The following XKR9 variants were observed in gnomAD, a reference collection of about 807,000 sequenced individuals.
The protein encoded by XKR9 is XK-related protein 9.
A neutral mutation model predicts 32.0 loss-of-function variants in XKR9; 32 were observed. The ratio of observed to expected loss-of-function variants is 1.00; its 90% CI spans 0.76 to 1.34. XKR9 has a LOEUF of 1.34. Ranked by LOEUF, XKR9 falls within the 40% of genes most tolerant of loss-of-function variation. XKR9 has a pLI of 0.00. For synonymous variants in XKR9, 168 were observed against 143.4 expected (o/e 1.17, Z -1.22); for missense variants, 546 against 429.7 (o/e 1.27, Z -2.39).
At chr8:70,707,972 A>G (rs912878072) in intron 4 of XKR9, among the ~76,000 whole-genome samples, 1 of 152,046 alleles carries the variant, frequency 6.6e-6, no homozygotes, top group African/African-American at 2.4e-5. Context: ...GATTTATTTC[A>G]GGGGATAAGA....
intron 3 of XKR9, chr8:70,683,637 G>A: frequency 2.5e-6 from 1 of 403,864 alleles, no homozygotes; most frequent in South Asian, 1.7e-5. Flanking sequence ...ACAGGCATGT[G>A]CCATGACACT....
At chr8:71,024,388 A>C in the XKR9 span, among the ~76,000 whole-genome samples, 135 of 152,214 alleles carry the variant, frequency 8.9e-4, 3 homozygotes, top group Non-Finnish European at 2.6e-4. Flanking sequence ...GCTGGGTCTA[A>C]CCTATATCAT....
At chr8:70,879,168 C>A in the XKR9 span, among the ~76,000 whole-genome samples, 2 of 151,958 alleles carry the variant, frequency 1.3e-5, no homozygotes, top group African/African-American at 4.8e-5. Context: ...TGGGTAGAGG[C>A]AAATTTATAG....
At chr8:70,832,346 AAG>A in the XKR9 span, among the ~76,000 whole-genome samples, 1 of 152,210 alleles carries the variant, frequency 6.6e-6, no homozygotes, top group Admixed American at 6.5e-5. Context: ...AGAAAAGTAA[AAG>A]AAAAGAGAAA....
chr8:71,057,721 T>TACCA, the XKR9 span, among the ~76,000 whole-genome samples: 1 of 152,316 alleles, frequency 6.6e-6, no homozygotes, highest in African/African-American at 2.4e-5. Context: ...TAGCACATGT[T>TACCA]ACCACTGCTT....
At chr8:70,942,108 A>C in the XKR9 span, among the ~76,000 whole-genome samples, 1 of 152,088 alleles carries the variant, frequency 6.6e-6, no homozygotes, top group East Asian at 1.9e-4. Context: ...GAATGTACTG[A>C]ACAGTTGAAC....
At chr8:70,920,019 G>A in the XKR9 span, among the ~76,000 whole-genome samples, 4 of 152,014 alleles carry the variant, frequency 2.6e-5, no homozygotes, top group African/African-American at 7.2e-5. Flanking sequence ...TTTTTTGGAC[G>A]GTCTTGACGT....
the XKR9 span, among the ~76,000 whole-genome samples, chr8:71,061,955 A>T: frequency 2.6e-5 from 4 of 152,212 alleles, no homozygotes; most frequent in African/African-American, 9.7e-5. Context: ...ACTCTTAGAG[A>T]CAAAAGAAGC....
the XKR9 span, among the ~76,000 whole-genome samples, chr8:70,963,981 T>C: frequency 6.6e-6 from 1 of 152,124 alleles, no homozygotes; most frequent in Non-Finnish European, 1.5e-5. Context: ...AGATCCCATT[T>C]GTCAATTTTT....
chr8:70,691,699 G>C lies in XKR9; in HGVS notation c.272+10369G>C, dbSNP rs541788463. 3.9e-5 allele frequency among the ~76,000 whole-genome samples: 6 copies of C among 152,126 alleles called. No individual in the cohort carries two copies. In the South Asian group the frequency reaches 6.2e-4, roughly 16 times the overall value. ...TTTTCCCCATTGCTTGTTTTTGTCA[G>C]CTTTGTCAACGATCAGATAGTCAAA... is the stretch of plus-strand genomic sequence containing the variant. On this transcript the variant is annotated intron_variant, in intron 3 of 4. Coordinates refer to ENST00000408926, the MANE Select transcript of XKR9 (RefSeq NM_001011720.2).
chr8:70,857,903 C>CA, the XKR9 span, among the ~76,000 whole-genome samples: 3 of 152,056 alleles, frequency 2.0e-5, no homozygotes, highest in East Asian at 5.8e-4. Context: ...AGGCCTTTGA[C>CA]AAAATTCAAC....
In XKR9 at chr8:70,733,753, A is replaced by C. The variant is rs199905563; in HGVS notation, c.494-43A>C. 4.5e-5 allele frequency: 64 copies of C among 1,428,068 alleles called. 1 individual carries two copies. The Admixed American group carries it at 1.5e-3, about 33-fold the overall frequency. The allele number at this position is 1,428,068 out of a possible 1,614,324, so 88.5% of individuals were successfully genotyped here. A position where few individuals can be genotyped will look rare whatever the true frequency, so the allele number is the denominator to read the frequency against. ...TGGGATATAGTAATCTAATATTTCT[A>C]TTATTCCTATAACAATATATTTTTT... On this transcript the variant is annotated intron_variant, in intron 4 of 4. Coordinates refer to ENST00000408926, the MANE Select transcript of XKR9 (RefSeq NM_001011720.2).
chr8:71,042,202 G>A, the XKR9 span, among the ~76,000 whole-genome samples: 21 of 152,090 alleles, frequency 1.4e-4, no homozygotes, highest in African/African-American at 1.9e-4. Flanking sequence ...TTCAAGTGGC[G>A]TCCCTAACTA....
At chr8:70,925,964 C>T in the XKR9 span, among the ~76,000 whole-genome samples, 1 of 152,168 alleles carries the variant, frequency 6.6e-6, no homozygotes, top group Non-Finnish European at 1.5e-5. Flanking sequence ...TATAAGTACA[C>T]ATTATATGAT....
At chr8:70,935,024 A>G in the XKR9 span, among the ~76,000 whole-genome samples, 1 of 151,004 alleles carries the variant, frequency 6.6e-6, no homozygotes, top group Non-Finnish European at 1.5e-5. Context: ...GAAGCTGAGT[A>G]TCTCTTACAT....
chr8:70,717,506 G>A (rs1189805617), intron 4 of XKR9, among the ~76,000 whole-genome samples: 1 of 152,176 alleles, frequency 6.6e-6, no homozygotes, highest in African/African-American at 2.4e-5. Flanking sequence ...TGTACCCTCT[G>A]AAGCAATGGC....
chr8:70,863,943 A>G, the XKR9 span, among the ~76,000 whole-genome samples: 16 of 152,144 alleles, frequency 1.1e-4, no homozygotes, highest in African/African-American at 3.6e-4. Flanking sequence ...TTATGCTCTC[A>G]TATGTGGCTA....
At position 70,707,116 on chromosome 8, in the gene XKR9, C is replaced by G. The variant is rs1193263363; in HGVS notation, c.456C>G (p.Tyr152Ter). The change falls in exon 4 of 5, where the codon TAC (tyrosine) becomes TAG (stop). Residue 152 changes from tyrosine to a stop codon, truncating the protein, a stop_gained. Transcript: ENST00000408926. LOFTEE classifies it high-confidence loss of function. ...EGCPQLILQL[Y>*]ILLEHGQANF... Reference sequence around the variant, plus strand: ...GCCCACAACTTATTCTTCAACTCTACATTCTTCTGGAGCATGGACAAGCGA... The same window carrying G: ...GCCCACAACTTATTCTTCAACTCTAGATTCTTCTGGAGCATGGACAAGCGA... 1.2e-6 allele frequency: 2 copies of G among 1,613,300 alleles called. No individual in the cohort carries two copies. Among genetic ancestry groups the G allele is most frequent in the South Asian group, 1.1e-5 (1 of 91,042 alleles).
chr8:70,926,782 T>C, the XKR9 span, among the ~76,000 whole-genome samples: 6 of 152,210 alleles, frequency 3.9e-5, no homozygotes, highest in East Asian at 1.9e-4. Context: ...TGAAAATGCA[T>C]TGGAAAAATT....
Sources: gnomAD v4.1 joint callset for allele counts (sites outside exome capture counted in the v4.1 genomes callset) on GRCh38, gnomAD v4.1.1 for gene constraint, MANE v1.5 for transcripts, NCBI Gene and HGNC (gene_info 2026-07-23, HGNC 2026-07-21) for gene names.